SLFN14: variants seen among roughly 807,000 people sequenced by gnomAD.
The protein encoded by SLFN14 is protein SLFN14.
In SLFN14, 47 loss-of-function variants were observed where a neutral mutation model predicts 58.6. That is an observed-to-expected ratio of 0.80 (90% confidence interval 0.64 to 1.02). The LOEUF is 1.02. Among genes scored for constraint, SLFN14 ranks in the 50% least tolerant of loss-of-function variants. The pLI, the probability that SLFN14 is intolerant of heterozygous loss-of-function variation, is 0.00. For synonymous variants in SLFN14, 390 were observed against 387.3 expected (o/e 1.01, Z -0.08); for missense variants, 967 against 1,078.4 (o/e 0.90, Z 1.45).
chr17:35,554,196 C>T (rs556929103), intron 4 of SLFN14, among the ~76,000 whole-genome samples: 1 of 151,364 alleles, frequency 6.6e-6, no homozygotes, highest in African/African-American at 2.4e-5. Flanking sequence ...CCTGCACTCT[C>T]AAATTTGGAA....
chr17:35,549,118 G>T, intron 5 of SLFN14, 45 bp from the exon 6 acceptor site: 2 of 1,414,266 alleles, frequency 1.4e-6, no homozygotes, highest in South Asian at 1.3e-5. Context: ...TCAACAAAGA[G>T]AACACCAGCA....
At chr17:35,560,564 G>A (rs1444549440) in intron 1 of SLFN14, among the ~76,000 whole-genome samples, 1 of 152,052 alleles carries the variant, frequency 6.6e-6, no homozygotes, top group Non-Finnish European at 1.5e-5. Flanking sequence ...TTGACCTCAG[G>A]TGATCCACCT....
chr17:35,557,560 T>A lies in SLFN14; in HGVS notation c.503A>T (p.His168Leu). Residue 168 changes from histidine (H) to leucine (L), a missense_variant, in exon 3 of 6, where the codon CAT becomes CTT. Transcript: ENST00000674182. The stretch of plus-strand genomic sequence containing the variant: ...GCATCTATTGAGAACCTGCTGAGGA[T>A]GCAACTTCTTCACCCTTGGTCTTCC... ...QRGRPRVKKLHPQQVLNRCIQ... is the reference protein window; with the variant it reads ...QRGRPRVKKLLPQQVLNRCIQ... The A allele has an allele frequency of 6.4e-7, 1 of 1,551,710 alleles. No homozygotes were observed. The highest frequency in any genetic ancestry group is 8.7e-7 in the Non-Finnish European group (1 of 1,147,004).
In SLFN14 at chr17:35,557,135, A is replaced by G; in HGVS notation, c.928T>C (p.Cys310Arg). 6.4e-7 allele frequency: 1 copy of G among 1,551,742 alleles called. No homozygotes were observed. The highest frequency in any genetic ancestry group is 8.7e-7 in the Non-Finnish European group (1 of 1,147,008). ...CAGAAGGGCTCCACTTGAATCACAC[A>G]GACATAACCATCCAGGACATCTTTT... ...YQKDVLDGYV[C>R]VIQVEPFCCV... is the part of the protein sequence containing the mutation. The change falls in exon 3 of 6, where the codon TGT becomes CGT. Residue 310 changes from cysteine to arginine, a missense_variant. Cys to Arg is a radical substitution (Grantham distance 180, BLOSUM62 -3). Coordinates refer to ENST00000674182, the MANE Select transcript of SLFN14 (RefSeq NM_001129820.2).
In SLFN14 at chr17:35,557,712, GA is replaced by G. The variant is rs1189502943; in HGVS notation, c.350del (p.Phe117SerfsTer5). The G allele has an allele frequency of 1.3e-6, 2 of 1,551,684 alleles. No individual in the cohort carries two copies. The highest frequency in any genetic ancestry group is 1.2e-5 in the South Asian group (1 of 84,056). ...IFVKSWSPDV[F>X]SLPLRICSLR... ...AGCTGCAAATCCTTAGTGGAAGGCT[GA>G]AAACATCTGGGCTCCATGACTTCAC... On this transcript the variant is annotated frameshift_variant, in exon 3 of 6. Coordinates refer to ENST00000674182, the MANE Select transcript of SLFN14 (RefSeq NM_001129820.2). LOFTEE classifies it high-confidence loss of function.
At chr17:35,554,306 ATAT>A (rs1165602426) in intron 4 of SLFN14, among the ~76,000 whole-genome samples, 5 of 147,568 alleles carry the variant, frequency 3.4e-5, no homozygotes, top group Admixed American at 1.4e-4. Flanking sequence ...AGATATATAA[ATAT>A]TATATATAAT....
In SLFN14 at chr17:35,548,836, A is replaced by G; in HGVS notation, c.2142T>C (p.Asn714=). 6.4e-7 allele frequency: 1 copy of G among 1,551,734 alleles called. No individual in the cohort carries two copies. Among genetic ancestry groups the G allele is most frequent in the Non-Finnish European group, 8.7e-7 (1 of 1,146,994 alleles). Residue 714 remains asparagine (N), a synonymous_variant, in exon 6 of 6, where the codon AAT becomes AAC. Coordinates refer to ENST00000674182, the MANE Select transcript of SLFN14 (RefSeq NM_001129820.2). The part of the protein sequence containing the change: ...DPFQIHHADV[N]GLPPPSAQFP... The stretch of plus-strand genomic sequence containing the variant: ...ACTGAGCAGATGGAGGGGGAAGGCC[A>G]TTGACATCTGCGTGATGGATTTGAA...
chr17:35,560,297 G>A (rs1403257800), intron 1 of SLFN14, among the ~76,000 whole-genome samples: 3 of 152,162 alleles, frequency 2.0e-5, no homozygotes, highest in Non-Finnish European at 4.4e-5. Flanking sequence ...ATTCTAGCTC[G>A]AGATGAATAT....
At chr17:35,555,977 C>A (rs1567715583) in intron 3 of SLFN14, among the ~76,000 whole-genome samples, 1 of 152,150 alleles carries the variant, frequency 6.6e-6, no homozygotes, top group Non-Finnish European at 1.5e-5. Flanking sequence ...AATTTGTCAA[C>A]AATGTTTTGC....
rs1460416034 is a variant in SLFN14, at chr17:35,554,679, G to A, written c.1086C>T (p.Tyr362=). 3 of 1,472,542 alleles carry A rather than the reference G, an allele frequency of 2.0e-6. No individual in the cohort carries two copies. In the African/African-American group the frequency reaches 4.3e-5, roughly 21 times the overall value. 91.2% of individuals were successfully genotyped at this position (1,472,542 alleles called of 1,614,324 possible). A position where few individuals can be genotyped will look rare whatever the true frequency, so the allele number is the denominator to read the frequency against. ...AAGCTGATGAAATCAGGCAAGAGTT[G>A]TAGTCTGTGACCAAACTGGGAGGAG... ...QSAPPSLVTD[Y]NSCLISSASS... The change falls in exon 4 of 6, where the codon TAC becomes TAT. Residue 362 remains tyrosine (Y), a synonymous_variant. Coordinates refer to ENST00000674182, the MANE Select transcript of SLFN14 (RefSeq NM_001129820.2).
In SLFN14 at chr17:35,548,301, A is replaced by G. The variant is rs1252907350; in HGVS notation, c.2677T>C (p.Cys893Arg). The G allele has an allele frequency of 6.4e-7, 1 of 1,551,604 alleles. No individual in the cohort carries two copies. Among genetic ancestry groups the G allele is most frequent in the Non-Finnish European group, 8.7e-7 (1 of 1,146,986 alleles). ...TGTTTAATGGCTCTTGAAGCAAAGC[A>G]GAGCTTATGAAATTCCTCTGACTGG... The part of the protein sequence containing the change: ...CDQSEEFHKL[C>R]FASRAIKHLY... Residue 893 changes from cysteine (C) to arginine (R), a missense_variant, in exon 6 of 6, where the codon TGC becomes CGC. Physicochemically the swap from Cys to Arg is radical, Grantham distance 180. Transcript: ENST00000674182.
chr17:35,549,172 C>A (rs1469424801), intron 5 of SLFN14, 99 bp from the exon 6 acceptor site: 8 of 912,122 alleles, frequency 8.8e-6, no homozygotes, highest in Non-Finnish European at 1.3e-5. Context: ...TTCTCATCTG[C>A]AGGCTGAGTC....
intron 2 of SLFN14, among the ~76,000 whole-genome samples, chr17:35,558,497 A>G (rs2072674712): frequency 6.6e-6 from 1 of 151,188 alleles, no homozygotes; most frequent in African/African-American, 2.4e-5. Context: ...CTACGTTGCA[A>G]TCCTCCTGCC....
rs1293548257 is a variant in SLFN14, at chr17:35,557,012, T to C, written c.1051A>G (p.Thr351Ala). ...AEQWVVMMLDTQSAPPSLVTD... is the reference protein window; with the variant it reads ...AEQWVVMMLDAQSAPPSLVTD... ...CTTCACTTCCCTTTACCTGACTGAGTATCCAGCATCATGACCACCCACTGC... is the reference window on the plus strand; with the variant it reads ...CTTCACTTCCCTTTACCTGACTGAGCATCCAGCATCATGACCACCCACTGC... Residue 351 changes from threonine (T) to alanine (A), a missense_variant, in exon 3 of 6, where the codon ACT becomes GCT. Coordinates refer to ENST00000674182, the MANE Select transcript of SLFN14 (RefSeq NM_001129820.2). The C allele has an allele frequency of 6.4e-7, 1 of 1,550,428 alleles. No homozygotes were observed. The highest frequency in any genetic ancestry group is 2.0e-5 in the Admixed American group (1 of 50,862).
At chr17:35,555,979 A>G (rs1015824322) in intron 3 of SLFN14, among the ~76,000 whole-genome samples, 1 of 152,156 alleles carries the variant, frequency 6.6e-6, no homozygotes, top group African/African-American at 2.4e-5. Context: ...TTTGTCAACA[A>G]TGTTTTGCTT....
chr17:35,552,762 A>G lies in SLFN14; in HGVS notation c.1872T>C (p.Val624=), dbSNP rs73992855. 1.7e-3 allele frequency: 2,662 copies of G among 1,550,192 alleles called. 43 individuals carry two copies. The African/African-American group carries it at 0.031, about 18-fold the overall frequency. The change falls in exon 5 of 6, where the codon GTT becomes GTC. Residue 624 remains valine (V), a synonymous_variant. Transcript: ENST00000674182. ...FHCKPKEILY[V]CESDSLKDFV... is the part of the protein sequence containing the mutation. ...AATCCTTTAGGGAGTCGCTTTCACA[A>G]ACATAGAGGATCTCTTTTGGTTTGC...
At chr17:35,551,873 C>T (rs1426925889) in intron 5 of SLFN14, among the ~76,000 whole-genome samples, 3 of 152,260 alleles carry the variant, frequency 2.0e-5, no homozygotes, top group Admixed American at 6.5e-5. Flanking sequence ...GGGGCCTCCT[C>T]AGCCAATGGA....
Position 35,546,819 on chromosome 17 carries a change from G to A in SLFN14, c.*1420C>T, listed in dbSNP as rs764955777. Reference sequence around the variant, plus strand: ...TGATTGCCAAGTAAGGATTTCAAAGGTGGAGGGGACAGAAAAGGGTTTAAA... The same window carrying A: ...TGATTGCCAAGTAAGGATTTCAAAGATGGAGGGGACAGAAAAGGGTTTAAA... On this transcript the variant is annotated 3_prime_UTR_variant, in exon 6 of 6. Coordinates refer to ENST00000674182, the MANE Select transcript of SLFN14 (RefSeq NM_001129820.2). Among the ~76,000 whole-genome samples, 2 of 152,178 alleles carry A rather than the reference G, an allele frequency of 1.3e-5. No individual in the cohort carries two copies. Among genetic ancestry groups the A allele is most frequent in the African/African-American group, 4.8e-5 (2 of 41,432 alleles).
Position 35,557,724 on chromosome 17 carries a change from GCT to G in SLFN14, c.337_338del (p.Ser113ProfsTer31), listed in dbSNP as rs2072667484. ...HNLLIFVKSW[S>X]PDVFSLPLRI... ...TTAGTGGAAGGCTGAAAACATCTGG[GCT>G]CCATGACTTCACAAAAATCAGGAGA... On this transcript the variant is annotated frameshift_variant, in exon 3 of 6. Transcript: ENST00000674182. LOFTEE classifies it high-confidence loss of function. The G allele has an allele frequency of 4.5e-6, 7 of 1,551,554 alleles. No homozygotes were observed. The highest frequency in any genetic ancestry group is 6.1e-6 in the Non-Finnish European group (7 of 1,146,986).
Sources: allele counts gnomAD v4.1 joint callset (sites outside exome capture counted in the v4.1 genomes callset), GRCh38; gene constraint gnomAD v4.1.1; transcripts MANE v1.5; gene names NCBI Gene and HGNC (gene_info 2026-07-23, HGNC 2026-07-21).